HSPA12A: variants seen among roughly 807,000 people sequenced by gnomAD.
HSPA12A encodes heat shock protein family A (Hsp70) member 12A, also known as heat shock 70 kDa protein 12A.
A neutral mutation model predicts 69.2 loss-of-function variants in HSPA12A; 28 were observed. That is an observed-to-expected ratio of 0.40 (90% CI 0.30 to 0.55). HSPA12A has a LOEUF of 0.55. HSPA12A is among the 20% of genes least tolerant of loss of function. The pLI, the probability that HSPA12A is intolerant of heterozygous loss-of-function variation, is 0.38. For synonymous variants in HSPA12A, 345 were observed against 370.5 expected (o/e 0.93, Z 0.79); for missense variants, 686 against 900.7 (o/e 0.76, Z 3.05).
rs1849855245 is a variant in HSPA12A at position 116,695,348 on chromosome 10, T to C, written c.547-2881A>G. On this transcript the variant is annotated intron_variant, in intron 5 of 11. Coordinates refer to ENST00000369209, the MANE Select transcript of HSPA12A (RefSeq NM_025015.3). Reference sequence around the variant, plus strand: ...TGGGGCCTAATGGGAGATGTTTATGTCATGAGAGCTCCGGTCTCAGGAACG... The same window carrying C: ...TGGGGCCTAATGGGAGATGTTTATGCCATGAGAGCTCCGGTCTCAGGAACG... 2.0e-5 allele frequency among the ~76,000 whole-genome samples: 3 copies of C among 152,260 alleles called. No individual in the cohort carries two copies. In the South Asian group the frequency reaches 6.2e-4, roughly 32 times the overall value.
intron 2 of HSPA12A, among the ~76,000 whole-genome samples, chr10:116,795,056 A>G (rs967007397): frequency 2.0e-5 from 3 of 152,332 alleles, no homozygotes; most frequent in African/African-American, 7.2e-5. Flanking sequence ...CTGAAGATTA[A>G]TGAGGTAAGT....
At position 116,702,673 on chromosome 10, in the gene HSPA12A, A is replaced by G. The variant is rs549548544; in HGVS notation, c.255-1544T>C. 3.0e-4 allele frequency among the ~76,000 whole-genome samples: 45 copies of G among 152,342 alleles called. 1 individual carries two copies. The South Asian group carries it at 8.9e-3, about 30-fold the overall frequency. ...AAATGGAATTGTCATTAACAGTGAC[A>G]TTATCAGTAGAGAATGACCCCATGA... On this transcript the variant is annotated intron_variant, in intron 3 of 11. Coordinates refer to ENST00000369209, the MANE Select transcript of HSPA12A (RefSeq NM_025015.3).
chr10:116,678,348 C>CAAA (rs55780024), intron 10 of HSPA12A, among the ~76,000 whole-genome samples: 1,269 of 58,830 alleles, frequency 0.022, 110 homozygotes, highest in Middle Eastern at 0.029. Flanking sequence ...TGCCAACTTG[C>CAAA]AAAAAAAAAA....
rs1238227170 is a variant in HSPA12A at position 116,794,726 on chromosome 10, T to C, written c.91+40209A>G. Among the ~76,000 whole-genome samples the C allele has an allele frequency of 3.9e-5, 6 of 152,232 alleles. No homozygotes were observed. In the South Asian group the frequency reaches 1.0e-3, roughly 26 times the overall value. On this transcript the variant is annotated intron_variant, in intron 2 of 12. Coordinates refer to the HSPA12A transcript ENST00000635765. ...TACTTGGGAGGCTGAGGCAGGAGAA[T>C]TGCTTGAACTCCAGAGATGGAGATT...
intron 1 of HSPA12A, among the ~76,000 whole-genome samples, chr10:116,847,798 G>T (rs546030293): frequency 2.3e-4 from 35 of 152,340 alleles, no homozygotes; most frequent in Admixed American, 2.0e-4. Context: ...GGGTTATAGG[G>T]GGAGACTCTT....
Position 116,751,009 on chromosome 10 carries a change from TGAAGAA to T in HSPA12A, c.92-43730_92-43725del, listed in dbSNP as rs367768494. Among the ~76,000 whole-genome samples, 284 of 129,252 alleles carry T rather than the reference TGAAGAA, an allele frequency of 2.2e-3. 2 individuals are homozygous for T. Among genetic ancestry groups the T allele is most frequent in the South Asian group, 0.011 (46 of 4,118 alleles). The allele number at this position is 129,252 out of a possible 152,430, so 84.8% of individuals were successfully genotyped here. ...AGGACGAGGAGGAAGAGGAAGAACA[TGAAGAA>T]GAAGAAGAAGAAGAAGAAGGAGGAG... On this transcript the variant is annotated intron_variant, in intron 2 of 12. Coordinates refer to the HSPA12A transcript ENST00000635765.
chr10:116,682,847 C>G (rs1240503489), intron 7 of HSPA12A, among the ~76,000 whole-genome samples: 1 of 150,858 alleles, frequency 6.6e-6, no homozygotes, highest in African/African-American at 2.4e-5. Flanking sequence ...ACTACAGGCA[C>G]CCGCCACCTC....
intron 2 of HSPA12A, among the ~76,000 whole-genome samples, chr10:116,822,087 TGTAAAGTAAGTAGTACACTTGGG>T (rs1845417070): frequency 6.6e-6 from 1 of 152,250 alleles, no homozygotes; most frequent in Non-Finnish European, 1.5e-5. Context: ...TTTCACTTTG[TGTAAAGTAAGTAGTACACTTGGG>T]TTTATCTGAG....
chr10:116,707,153 GCACACACA>G lies in HSPA12A; in HGVS notation c.126+39_126+46del, dbSNP rs59728190. On this transcript the variant is annotated intron_variant, in intron 2 of 11. Coordinates refer to ENST00000369209, the MANE Select transcript of HSPA12A (RefSeq NM_025015.3). ...CGTGTGCTCATGCGCACCCATGCGC[GCACACACA>G]CACACACACACACACACACACACAC... The G allele has an allele frequency of 1.9e-3, 1,125 of 583,016 alleles. 2 individuals carry two copies. The highest frequency in any genetic ancestry group is 5.8e-3 in the East Asian group (188 of 32,184). 36.1% of individuals were successfully genotyped at this position (583,016 alleles called of 1,614,324 possible).
chr10:116,728,528 G>A (rs1454414072), intron 1 of HSPA12A, among the ~76,000 whole-genome samples: 12 of 152,298 alleles, frequency 7.9e-5, no homozygotes, highest in Non-Finnish European at 7.4e-5. Flanking sequence ...CCTCAGTGAC[G>A]AATGTAGGCT....
At chr10:116,683,181 G>C (rs1386297378) in intron 7 of HSPA12A, among the ~76,000 whole-genome samples, 1 of 152,056 alleles carries the variant, frequency 6.6e-6, no homozygotes, top group Non-Finnish European at 1.5e-5. Context: ...CACCCACAGA[G>C]CCCTGGATAC....
chr10:116,761,975 G>A (rs1032067611), intron 2 of HSPA12A, among the ~76,000 whole-genome samples: 14 of 152,330 alleles, frequency 9.2e-5, no homozygotes, highest in Admixed American at 4.6e-4. Flanking sequence ...ATTTTTGGAT[G>A]TTGTGCTAGT....
chr10:116,722,746 G>T (rs983122907), intron 1 of HSPA12A, among the ~76,000 whole-genome samples: 2 of 152,102 alleles, frequency 1.3e-5, no homozygotes, highest in Admixed American at 1.3e-4. Context: ...ATAGTGGGAT[G>T]ATTTCAATTT....
chr10:116,757,626 G>A (rs1429179270), intron 2 of HSPA12A, among the ~76,000 whole-genome samples: 1 of 152,198 alleles, frequency 6.6e-6, no homozygotes, highest in African/African-American at 2.4e-5. Flanking sequence ...GCGGAGGTCA[G>A]GGTTAAGAGC....
chr10:116,677,024 C>T (rs2901118), intron 10 of HSPA12A, among the ~76,000 whole-genome samples: 93,635 of 152,000 alleles, frequency 0.62, 29,958 homozygotes, highest in South Asian at 0.78. Flanking sequence ...GAGTCCTGGA[C>T]GGGAATCCAG....
intron 1 of HSPA12A, among the ~76,000 whole-genome samples, chr10:116,724,189 C>A (rs1554884729): frequency 6.6e-6 from 1 of 152,156 alleles, no homozygotes; most frequent in African/African-American, 2.4e-5. Context: ...GGGAGTGTCA[C>A]AGATATTTCC....
chr10:116,828,757 G>A (rs1488103365), intron 2 of HSPA12A: 2 of 152,116 alleles, frequency 1.3e-5, no homozygotes, highest in Non-Finnish European at 2.9e-5. Context: ...GACACACAAA[G>A]GCACACTTTA....
At chr10:116,815,836 G>A (rs1326024124) in intron 2 of HSPA12A, among the ~76,000 whole-genome samples, 2 of 152,146 alleles carry the variant, frequency 1.3e-5, no homozygotes, top group Non-Finnish European at 2.9e-5. Flanking sequence ...TTGTTGGAAG[G>A]GCTGTATTCC....
At chr10:116,755,376 C>T (rs7081124) in intron 2 of HSPA12A, among the ~76,000 whole-genome samples, 1 of 151,954 alleles carries the variant, frequency 6.6e-6, no homozygotes, top group African/African-American at 2.4e-5. Context: ...CTTTGGGAGG[C>T]TGAGATGAGC....
Sources: gnomAD v4.1 joint callset for allele counts (sites outside exome capture counted in the v4.1 genomes callset) on GRCh38, gnomAD v4.1.1 for gene constraint, MANE v1.5 for transcripts, NCBI Gene and HGNC (gene_info 2026-07-23, HGNC 2026-07-21) for gene names.